The following CAPN2 variants were observed in gnomAD, a reference collection of about 807,000 sequenced individuals.
CAPN2 encodes the protein calpain 2, also known as calpain-2 catalytic subunit.
Under a neutral mutation model 102.3 loss-of-function variants are expected in CAPN2, and 92 were observed. The ratio of observed to expected loss-of-function variants is 0.90; its 90% confidence interval spans 0.76 to 1.07. The LOEUF (loss-of-function observed/expected upper bound fraction) is 1.07. Among genes scored for constraint, CAPN2 ranks in the 50% least tolerant of loss-of-function variants. CAPN2 has a pLI of 0.00. For synonymous variants in CAPN2, 340 were observed against 355.4 expected (o/e 0.96, Z 0.49); for missense variants, 800 against 909.4 (o/e 0.88, Z 1.55).
chr1:223,772,369 G>A (rs1661504122), intron 20 of CAPN2, 130 bp downstream of exon 20: 2 of 673,342 alleles, frequency 3.0e-6, no homozygotes, highest in Admixed American at 2.6e-5. Flanking sequence ...GGCCAGGCCT[G>A]TAACCGGTTG....
In CAPN2 at chr1:223,727,186, G is replaced by C. The variant is rs1437709344; in HGVS notation, c.307+9355G>C. Among the ~76,000 whole-genome samples, 1 of 152,160 alleles carries C rather than the reference G, an allele frequency of 6.6e-6. No homozygotes were observed. Among genetic ancestry groups the C allele is most frequent in the Non-Finnish European group, 1.5e-5 (1 of 68,026 alleles). On this transcript the variant is annotated intron_variant, in intron 2 of 20. Coordinates refer to ENST00000295006, the MANE Select transcript of CAPN2 (RefSeq NM_001748.5). The surrounding 1 kb of genome is among the most constrained non-coding windows in gnomAD (Gnocchi z 4.1). The stretch of plus-strand genomic sequence containing the variant: ...AGCCAGGAGCAGTCTTCAGTAGCTT[G>C]GTCTGTTTATCGTGTATCTAGCTGT...
chr1:223,722,865 C>T (rs1400087266), intron 2 of CAPN2, among the ~76,000 whole-genome samples: 1 of 152,122 alleles, frequency 6.6e-6, no homozygotes, highest in African/African-American at 2.4e-5. Context: ...TTTCTCTATT[C>T]CGGGATCCCA....
chr1:223,766,358 G>T lies in CAPN2; in HGVS notation c.1691-9G>T, dbSNP rs1171482529. 9 of 1,611,476 alleles carry T rather than the reference G, an allele frequency of 5.6e-6. No homozygotes were observed. The highest frequency in any genetic ancestry group is 6.8e-6 in the Non-Finnish European group (8 of 1,177,700). On this transcript the variant is annotated splice_polypyrimidine_tract_variant and intron_variant, in intron 15 of 20. Coordinates refer to ENST00000295006, the MANE Select transcript of CAPN2 (RefSeq NM_001748.5). Reference sequence around the variant, plus strand: ...AGATTTTTCCTGTCACACTGATTTTGTCTTTTAGGCCAAGATATCAAGTCA... The same window carrying T: ...AGATTTTTCCTGTCACACTGATTTTTTCTTTTAGGCCAAGATATCAAGTCA...
intron 12 of CAPN2, 46 bp from the exon 13 acceptor site, chr1:223,761,535 G>A: frequency 6.8e-7 from 1 of 1,472,774 alleles, no homozygotes; most frequent in East Asian, 2.5e-5. Context: ...CTTCCTTTTT[G>A]CCCTCGCCTG....
chr1:223,741,464 A>G (rs1202084763), intron 2 of CAPN2, among the ~76,000 whole-genome samples: 2 of 141,906 alleles, frequency 1.4e-5, no homozygotes, highest in African/African-American at 2.7e-5. Flanking sequence ...ATATATATAT[A>G]TATATTTGAG....
intron 20 of CAPN2, among the ~76,000 whole-genome samples, chr1:223,773,862 A>T (rs1004012634): frequency 6.6e-6 from 1 of 151,822 alleles, no homozygotes; most frequent in Non-Finnish European, 1.5e-5. Flanking sequence ...GTCTCAGAAA[A>T]AAATAAATAA....
chr1:223,711,257 A>C (rs921694338), upstream of CAPN2, among the ~76,000 whole-genome samples: 7 of 152,100 alleles, frequency 4.6e-5, no homozygotes, highest in Non-Finnish European at 7.4e-5. Context: ...GTGAAACCCA[A>C]ATTCTTCCCT....
At chr1:223,706,024 C>T (rs892266298) in intron 1 of CAPN2, among the ~76,000 whole-genome samples, 2 of 152,136 alleles carry the variant, frequency 1.3e-5, no homozygotes, top group Non-Finnish European at 2.9e-5. Flanking sequence ...TACTAGGGGA[C>T]CCCAGCTATG....
At chr1:223,730,366 A>G (rs1660308430) in intron 2 of CAPN2, among the ~76,000 whole-genome samples, 1 of 144,472 alleles carries the variant, frequency 6.9e-6, no homozygotes, top group South Asian at 2.3e-4. Flanking sequence ...CTCATCATCT[A>G]TCATTAGTGT....
At chr1:223,723,220 A>G (rs1660102169) in intron 2 of CAPN2, among the ~76,000 whole-genome samples, 1 of 152,168 alleles carries the variant, frequency 6.6e-6, no homozygotes, top group Non-Finnish European at 1.5e-5. Flanking sequence ...AGGCTGAAGC[A>G]GGAGGATCAC....
chr1:223,731,905 G>A lies in CAPN2; in HGVS notation c.308-12195G>A, dbSNP rs550806712. 1.9e-4 allele frequency among the ~76,000 whole-genome samples: 29 copies of A among 152,240 alleles called. No homozygotes were observed. The highest frequency in any genetic ancestry group is 6.5e-4 in the African/African-American group (27 of 41,542). On this transcript the variant is annotated intron_variant, in intron 2 of 20. Transcript: ENST00000295006. This position sits in a 1 kb window ranked among gnomAD's most constrained non-coding sequence, Gnocchi z 4.2. ...GAAACGTGTGTGTGAGTGTGTCACCGGTAAGCTGAGTTCTTTCCCTACTTG... is the reference window on the plus strand; with the variant it reads ...GAAACGTGTGTGTGAGTGTGTCACCAGTAAGCTGAGTTCTTTCCCTACTTG...
At chr1:223,740,874 A>C (rs1660594248) in intron 2 of CAPN2, among the ~76,000 whole-genome samples, 1 of 152,200 alleles carries the variant, frequency 6.6e-6, no homozygotes, top group South Asian at 2.1e-4. Flanking sequence ...CAATTAGGTG[A>C]ATTCGAAATT....
At chr1:223,705,813 A>G (rs1466558800) in intron 1 of CAPN2, among the ~76,000 whole-genome samples, 1 of 152,256 alleles carries the variant, frequency 6.6e-6, no homozygotes, top group African/African-American at 2.4e-5. Context: ...GCTGCTGATG[A>G]TAACAATGAT....
chr1:223,756,736 A>C lies in CAPN2; in HGVS notation c.1306-633A>C, dbSNP rs763299087. On this transcript the variant is annotated intron_variant, in intron 10 of 20. Transcript: ENST00000295006. This position sits in a 1 kb window ranked among gnomAD's most constrained non-coding sequence, Gnocchi z 4.1. ...AGTTGTAAAAATGCACATAGGCCTA[A>C]ACCCCTCCGTCTCTGAAACAGGAGC... Among the ~76,000 whole-genome samples the C allele has an allele frequency of 2.0e-5, 3 of 152,222 alleles. No homozygotes were observed. The highest frequency in any genetic ancestry group is 4.4e-5 in the Non-Finnish European group (3 of 68,034).
intron 20 of CAPN2, chr1:223,773,245 C>T (rs919069103): frequency 6.6e-6 from 1 of 152,180 alleles, no homozygotes; most frequent in African/African-American, 2.4e-5. Context: ...AATGTAGAGT[C>T]AACCCCATCT....
chr1:223,712,526 C>G, upstream of CAPN2: 4 of 1,227,776 alleles, frequency 3.3e-6, no homozygotes, highest in South Asian at 1.1e-4. Flanking sequence ...TCGCTCGCAG[C>G]GGCGGCGCCC....
chr1:223,739,933 C>G (rs1338319413), intron 2 of CAPN2, among the ~76,000 whole-genome samples: 1 of 152,226 alleles, frequency 6.6e-6, no homozygotes, highest in African/African-American at 2.4e-5. Context: ...CAGGATATAA[C>G]AGCTCTAAAC....
At chr1:223,714,667 T>C (rs913521544) in intron 1 of CAPN2, among the ~76,000 whole-genome samples, 3 of 151,914 alleles carry the variant, frequency 2.0e-5, no homozygotes, top group Non-Finnish European at 4.4e-5. Flanking sequence ...GAGAATGTGT[T>C]CACTTTACAT....
At chr1:223,764,053 C>T in intron 14 of CAPN2, 97 bp from the exon 15 acceptor site, 1 of 913,782 alleles carries the variant, frequency 1.1e-6, no homozygotes, top group Non-Finnish European at 1.8e-6. Flanking sequence ...CATTCATAGG[C>T]CCCACCGCAG....
Sources: allele counts gnomAD v4.1 joint callset (sites outside exome capture counted in the v4.1 genomes callset), GRCh38; gene constraint gnomAD v4.1.1; non-coding constraint Gnocchi (gnomAD v3.1); transcripts MANE v1.5; gene names NCBI Gene and HGNC (gene_info 2026-07-23, HGNC 2026-07-21).